Variants in CFAP65 observed in about 807,000 individuals in gnomAD.
CFAP65 encodes cilia- and flagella-associated protein 65.
In CFAP65, 155 loss-of-function variants were observed where a neutral mutation model predicts 208.0. That is an observed-to-expected ratio of 0.75 (90% CI 0.65 to 0.85). The LOEUF is 0.85. Ranked by LOEUF, CFAP65 falls within the 40% of genes least tolerant of loss-of-function variation. CFAP65 has a pLI of 0.00. For synonymous variants in CFAP65, 970 were observed against 986.3 expected, an observed-to-expected ratio of 0.98 and a Z score of 0.31; for missense variants, 2,294 against 2,451.3, an observed-to-expected ratio of 0.94 and a Z score of 1.36.
At chr2:219,026,487 C>G (rs916410041) in intron 13 of CFAP65, 14 of 230,324 alleles carry the variant, frequency 6.1e-5, no homozygotes, top group African/African-American at 2.9e-4. Flanking sequence ...GCCACAAATG[C>G]CAGCCGCAAA....
intron 24 of CFAP65, among the ~76,000 whole-genome samples, chr2:219,012,839 T>C (rs1946576838): frequency 6.6e-6 from 1 of 152,126 alleles, no homozygotes; most frequent in South Asian, 2.1e-4. Context: ...TTGGACAGAA[T>C]AGAACAAAAA....
chr2:219,024,475 CG>C (rs574257675), intron 14 of CFAP65, among the ~76,000 whole-genome samples: 1,199 of 32,934 alleles, frequency 0.036, 14 homozygotes, highest in Middle Eastern at 0.3. Context: ...CAGAAAGGGG[CG>C]GGGGGGGGGC....
At chr2:219,029,850 C>T (rs55946465) in intron 10 of CFAP65, 136 bp downstream of exon 10, 136,244 of 1,107,266 alleles carry the variant, frequency 0.12, 11,624 homozygotes, top group African/African-American at 0.42. Flanking sequence ...TGATTCCCCA[C>T]AGGGCCACCA....
At chr2:219,017,579 C>A (rs926067284) in intron 21 of CFAP65, among the ~76,000 whole-genome samples, 1 of 152,270 alleles carries the variant, frequency 6.6e-6, no homozygotes, top group Non-Finnish European at 1.5e-5. Flanking sequence ...GGAAGAGGCA[C>A]GGACTGCCTT....
rs753568940 is a variant in CFAP65 at position 219,030,159 on chromosome 2, T to A, written c.1211A>T (p.Asp404Val). ...GGCCGTGGGGCATGAGAAGGCCTGG[T>A]CTTCGGCCAGTTCATCCGGGGAAAT... ...IEISPDELAEDQAFSCPTAHG... is the reference protein window; with the variant it reads ...IEISPDELAEVQAFSCPTAHG... The change falls in exon 10 of 35, where the codon GAC (aspartate) becomes GTC (valine). Residue 404 changes from aspartate (D) to valine (V), a missense_variant. Asp to Val is a radical substitution (Grantham distance 152). Coordinates refer to ENST00000341552, the MANE Select transcript of CFAP65 (RefSeq NM_194302.4). 44 of 1,614,020 alleles carry A rather than the reference T, an allele frequency of 2.7e-5. No homozygotes were observed. In the East Asian group the frequency reaches 9.4e-4, roughly 34 times the overall value.
Position 219,024,180 on chromosome 2 carries a change from G to A in CFAP65, c.2430C>T (p.Phe810=). The A allele has an allele frequency of 1.2e-6, 2 of 1,614,008 alleles. No homozygotes were observed. The highest frequency in any genetic ancestry group is 2.2e-5 in the East Asian group (1 of 44,882). Residue 810 remains phenylalanine, a synonymous_variant, in exon 15 of 35, where the codon TTC becomes TTT. Transcript: ENST00000341552. Reference sequence around the variant, plus strand: ...CTGAGCCTCTCTGGGGGGCCAGGCTGAAGGTCAGCAGCTTGCAGTCTTTGT... The same window carrying A: ...CTGAGCCTCTCTGGGGGGCCAGGCTAAAGGTCAGCAGCTTGCAGTCTTTGT... ...LVNKDCKLLT[F]SLAPQRGSDV...
intron 10 of CFAP65, 143 bp downstream of exon 10, chr2:219,029,843 T>G: frequency 2.7e-6 from 3 of 1,122,406 alleles, no homozygotes; most frequent in Non-Finnish European, 3.8e-6. Context: ...TCACGGATGA[T>G]TCCCCACAGG....
In CFAP65 at chr2:219,003,563, G is replaced by A. The variant is rs1945730448; in HGVS notation, c.5556-291C>T. ...GAGAAAGGTAGGGAAGTGATGAGAG[G>A]GCGCAGAAGGGACTGGGTGGGGCCT... is the stretch of plus-strand genomic sequence containing the variant. On this transcript the variant is annotated intron_variant, in intron 33 of 34. Transcript: ENST00000341552. The surrounding 1 kb of genome is among the most constrained non-coding windows in gnomAD (Gnocchi z 4.4). Among the ~76,000 whole-genome samples the A allele has an allele frequency of 6.6e-6, 1 of 152,160 alleles. No individual in the cohort carries two copies. The highest frequency in any genetic ancestry group is 6.5e-5 in the Admixed American group (1 of 15,270).
rs1947747526 is a variant in CFAP65 at position 219,027,912 on chromosome 2, G to A, written c.1949C>T (p.Pro650Leu). Residue 650 changes from proline (P) to leucine (L), a missense_variant, in exon 13 of 35, where the codon CCC becomes CTC. Pro to Leu is a moderately conservative substitution (Grantham distance 98, BLOSUM62 -3). Transcript: ENST00000341552. ...GTSDITIFPP[P>L]ISVEPVEVDF... ...TACCTCGACAGGCTCTACACTGATG[G>A]GCGGGGGGAAGATGGTTATGTCGCT... is the stretch of plus-strand genomic sequence containing the variant. The A allele has an allele frequency of 1.3e-6, 2 of 1,527,208 alleles. No individual in the cohort carries two copies. The allele number at this position is 1,527,208 out of a possible 1,614,324, so 94.6% of individuals were successfully genotyped here. A position where few individuals can be genotyped will look rare whatever the true frequency, so the allele number is the denominator to read the frequency against.
Position 219,029,626 on chromosome 2 carries a change from C to G in CFAP65, c.1427G>C (p.Trp476Ser), listed in dbSNP as rs756304962. The part of the protein sequence containing the change: ...SLQHYCVNFS[W>S]VNLGERSEQP... ...CTCGGAGCGCTCCCCAAGGTTGACC[C>G]AGCTGAAGTTGACACAGTAGTGCTG... The change falls in exon 11 of 35, where the codon TGG becomes TCG. Residue 476 changes from tryptophan (W) to serine (S), a missense_variant. Transcript: ENST00000341552. 1 of 1,614,116 alleles carries G rather than the reference C, an allele frequency of 6.2e-7. No individual in the cohort carries two copies. Among genetic ancestry groups the G allele is most frequent in the African/African-American group, 1.3e-5 (1 of 75,034 alleles).
In CFAP65 at chr2:219,006,021, C is replaced by T. The variant is rs199839080; in HGVS notation, c.4922G>A (p.Arg1641Gln). The change falls in exon 31 of 35, where the codon CGG becomes CAG. Residue 1641 changes from arginine (R) to glutamine (Q), a missense_variant and splice_region_variant. Physicochemically the swap from Arg to Gln is conservative, Grantham distance 43. This residue lies in a region of CFAP65 where 1,427 missense variants were observed against 1,438.7 expected (regional missense o/e 0.99). Coordinates refer to ENST00000341552, the MANE Select transcript of CFAP65 (RefSeq NM_194302.4). ...GACCCCTGCCTTCCCAAGAGCTTAC[C>T]GGTGCAAAAAGTGGCAGGGAAACTC... The part of the protein sequence containing the change: ...FSEFPCHFLH[R>Q]ELPKRKAPRE... 30 of 1,613,032 alleles carry T rather than the reference C, an allele frequency of 1.9e-5. 1 individual carries two copies. Among genetic ancestry groups the T allele is most frequent in the East Asian group, 1.8e-4 (8 of 44,882 alleles).
At chr2:219,027,251 G>A in intron 13 of CFAP65, 1 of 1,365,324 alleles carries the variant, frequency 7.3e-7, no homozygotes. Context: ...TGGTGCTGCT[G>A]ACTTTGTCTC....
chr2:219,031,662 C>G lies in CFAP65; in HGVS notation c.646-4G>C, dbSNP rs1948045847. The G allele has an allele frequency of 1.3e-6, 2 of 1,597,514 alleles. No homozygotes were observed. Among genetic ancestry groups the G allele is most frequent in the Non-Finnish European group, 1.7e-6 (2 of 1,170,916 alleles). On this transcript the variant is annotated splice_region_variant and splice_polypyrimidine_tract_variant and intron_variant, in intron 6 of 34. Coordinates refer to ENST00000341552, the MANE Select transcript of CFAP65 (RefSeq NM_194302.4). The surrounding 1 kb of genome is among the most constrained non-coding windows in gnomAD (Gnocchi z 5.2). ...ACAGCTGGTCCATGTACTCCTTCTG[C>G]AGTGTGAGGCGGGGCAGGGGCAGTC...
At position 219,023,195 on chromosome 2, in the gene CFAP65, G is replaced by C; in HGVS notation, c.2820+12C>G. ...AAGGTTGCCGTCACTCGGCAGGAGG[G>C]GAGCCACTCACAAGTCTCTCGTTGG... On this transcript the variant is annotated intron_variant, in intron 16 of 34. Coordinates refer to ENST00000341552, the MANE Select transcript of CFAP65 (RefSeq NM_194302.4). The C allele has an allele frequency of 6.2e-7, 1 of 1,607,102 alleles. No individual in the cohort carries two copies. Among genetic ancestry groups the C allele is most frequent in the Non-Finnish European group, 8.5e-7 (1 of 1,176,798 alleles).
At chr2:219,026,380 C>T (rs1398074898) in intron 13 of CFAP65, among the ~76,000 whole-genome samples, 1 of 152,136 alleles carries the variant, frequency 6.6e-6, no homozygotes. Context: ...CTTTAGTCCT[C>T]ACAACCCGGG....
At chr2:219,039,276 C>G (rs376496816) in intron 2 of CFAP65, 325 of 357,798 alleles carry the variant, frequency 9.1e-4, no homozygotes, top group African/African-American at 6.3e-3. Flanking sequence ...CAATCTAAGG[C>G]ACACAAAGTA....
chr2:219,002,950 G>A lies in CFAP65; in HGVS notation c.5765C>T (p.Thr1922Ile). 6.4e-7 allele frequency: 1 copy of A among 1,566,482 alleles called. No homozygotes were observed. Among genetic ancestry groups the A allele is most frequent in the Non-Finnish European group, 8.7e-7 (1 of 1,155,326 alleles). The change falls in exon 35 of 35, where the codon ACC becomes ATC. Residue 1922 changes from threonine to isoleucine, a missense_variant. Thr to Ile is a moderately conservative substitution (Grantham distance 89). This residue lies in a region of CFAP65 where 1,427 missense variants were observed against 1,438.7 expected (regional missense o/e 0.99). Transcript: ENST00000341552. This position sits in a 1 kb window ranked among gnomAD's most constrained non-coding sequence, Gnocchi z 7.9. ...EVLHPVVPLP[T>I]DLP ...GGGCGCGGGCATTTACGGAAGGTCG[G>A]TAGGAAGTGGCACCACCGGGTGGAG...
Position 219,024,223 on chromosome 2 carries a change from C to A in CFAP65, c.2387G>T (p.Arg796Leu), listed in dbSNP as rs143842445. The A allele has an allele frequency of 8.1e-6, 13 of 1,613,450 alleles. No homozygotes were observed. Among genetic ancestry groups the A allele is most frequent in the Non-Finnish European group, 1.1e-5 (13 of 1,179,964 alleles). ...PAVSSGEPTYRSLLLVNKDCK... is the reference protein window; with the variant it reads ...PAVSSGEPTYLSLLLVNKDCK... Reference sequence around the variant, plus strand: ...GTCTTTGTTGACCAGGAGCAGGCTGCGGTAGGTGGGCTCACCGGAGGACAC... The same window carrying A: ...GTCTTTGTTGACCAGGAGCAGGCTGAGGTAGGTGGGCTCACCGGAGGACAC... Residue 796 changes from arginine (R) to leucine (L), a missense_variant, in exon 15 of 35, where the codon CGC becomes CTC. Transcript: ENST00000341552.
rs1222530561 is a variant in CFAP65 at position 219,003,314 on chromosome 2, C to T, written c.5556-42G>A. 1.4e-6 allele frequency: 2 copies of T among 1,480,808 alleles called. No homozygotes were observed. The highest frequency in any genetic ancestry group is 1.8e-6 in the Non-Finnish European group (2 of 1,114,544). The allele number at this position is 1,480,808 out of a possible 1,614,324, so 91.7% of individuals were successfully genotyped here. ...GCTAGCATGAGGGCGGCCGCAGTGC[C>T]CGCGCGCCTCCTCGCTCGCCTGTCC... is the stretch of plus-strand genomic sequence containing the variant. On this transcript the variant is annotated intron_variant, in intron 33 of 34. Transcript: ENST00000341552. This position sits in a 1 kb window ranked among gnomAD's most constrained non-coding sequence, Gnocchi z 4.4.
Sources: gnomAD v4.1 joint callset for allele counts (sites outside exome capture counted in the v4.1 genomes callset) on GRCh38, gnomAD v4.1.1 for gene constraint, gnomAD v4.1.1 regional missense constraint, Gnocchi (gnomAD v3.1) non-coding constraint, MANE v1.5 for transcripts, NCBI Gene and HGNC (gene_info 2026-07-23, HGNC 2026-07-21) for gene names.